The following FCHSD2 variants were observed in gnomAD, a reference collection of about 807,000 sequenced individuals.
FCHSD2 encodes FCH and double SH3 domains 2, also known as F-BAR and double SH3 domains protein 2.
A neutral mutation model predicts 108.1 loss-of-function variants in FCHSD2; 38 were observed. The ratio of observed to expected loss-of-function variants is 0.35; its 90% CI spans 0.27 to 0.46. The LOEUF is 0.46. Among genes scored for constraint, FCHSD2 ranks in the 20% least tolerant of loss-of-function variants. The pLI, the probability that FCHSD2 is intolerant of heterozygous loss-of-function variation, is 1.00. For missense variants in FCHSD2, 751 were observed against 897.8 expected, an observed-to-expected ratio of 0.84 and a Z score of 2.09; for synonymous variants, 279 against 314.7, an observed-to-expected ratio of 0.89 and a Z score of 1.20.
At chr11:73,083,656 G>T in intron 3 of FCHSD2, 39 bp downstream of exon 3, 23 of 1,347,234 alleles carry the variant, frequency 1.7e-5, no homozygotes, top group Non-Finnish European at 2.4e-5. Context: ...CCACGGAAAA[G>T]AAGTATACCT....
intron 3 of FCHSD2, among the ~76,000 whole-genome samples, chr11:73,020,858 T>C (rs945980580): frequency 2.0e-5 from 3 of 151,926 alleles, no homozygotes; most frequent in Non-Finnish European, 2.9e-5. Context: ...TAAGTATATA[T>C]AAGAAATAAG....
chr11:73,030,872 ATAT>A lies in FCHSD2; in HGVS notation c.166-14990_166-14988del, dbSNP rs534985286. Among the ~76,000 whole-genome samples, 10 of 152,212 alleles carry A rather than the reference ATAT, an allele frequency of 6.6e-5. No individual in the cohort carries two copies. The East Asian group carries it at 1.9e-3, about 29-fold the overall frequency. ...CTTTCAGCAAAAAATCCTGAATACA[ATAT>A]TATTAACTATAGTCCTCATGATACA... On this transcript the variant is annotated intron_variant, in intron 3 of 19. Transcript: ENST00000409418.
chr11:73,113,742 GT>G (rs1287505284), intron 2 of FCHSD2, among the ~76,000 whole-genome samples: 2 of 152,202 alleles, frequency 1.3e-5, no homozygotes, highest in African/African-American at 2.4e-5. Flanking sequence ...TCTTGGGAAA[GT>G]TTGTCAGGTA....
chr11:73,072,659 T>G (rs1195864743), intron 3 of FCHSD2, among the ~76,000 whole-genome samples: 2 of 152,214 alleles, frequency 1.3e-5, no homozygotes, highest in Non-Finnish European at 2.9e-5. Flanking sequence ...ATAGTTATCC[T>G]GTCTCCTTAT....
At chr11:73,047,362 C>T (rs1199228274) in intron 3 of FCHSD2, among the ~76,000 whole-genome samples, 1 of 151,684 alleles carries the variant, frequency 6.6e-6, no homozygotes, top group Non-Finnish European at 1.5e-5. Flanking sequence ...GCATCTTATT[C>T]AAGGTTATAA....
chr11:73,109,722 T>C (rs1380926540), intron 2 of FCHSD2, among the ~76,000 whole-genome samples: 1 of 152,220 alleles, frequency 6.6e-6, no homozygotes, highest in Non-Finnish European at 1.5e-5. Flanking sequence ...TTGCTAGGAC[T>C]TCCAGTAATA....
chr11:72,997,235 G>C (rs1436976856), intron 5 of FCHSD2, among the ~76,000 whole-genome samples: 1 of 152,164 alleles, frequency 6.6e-6, no homozygotes, highest in Non-Finnish European at 1.5e-5. Context: ...AAAGGTTAGA[G>C]TTCAAGTCTT....
intron 10 of FCHSD2, among the ~76,000 whole-genome samples, chr11:72,892,237 A>G (rs1855327725): frequency 6.6e-6 from 1 of 152,216 alleles, no homozygotes; most frequent in East Asian, 1.9e-4. Flanking sequence ...TTGAGTATTC[A>G]CTGTGCTCAG....
chr11:72,954,441 A>G lies in FCHSD2; in HGVS notation c.705+29647T>C, dbSNP rs557420634. On this transcript the variant is annotated intron_variant, in intron 8 of 19. Coordinates refer to ENST00000409418, the MANE Select transcript of FCHSD2 (RefSeq NM_014824.3). ...GGATGATCACAAACTCCTGGGCTCA[A>G]GCGATCCTTCCCCTTCAGCCTCCCA... is the stretch of plus-strand genomic sequence containing the variant. 2.0e-5 allele frequency among the ~76,000 whole-genome samples: 3 copies of G among 152,040 alleles called. No homozygotes were observed. In the East Asian group the frequency reaches 5.8e-4, roughly 29 times the overall value.
intron 2 of FCHSD2, among the ~76,000 whole-genome samples, chr11:73,095,718 A>T (rs1395313688): frequency 6.6e-6 from 1 of 152,222 alleles, no homozygotes; most frequent in African/African-American, 2.4e-5. Flanking sequence ...CAACAAAAGC[A>T]GGGAACATGG....
chr11:73,133,977 G>A lies in FCHSD2; in HGVS notation c.119+6054C>T, dbSNP rs959892675. Among the ~76,000 whole-genome samples, 8 of 151,492 alleles carry A rather than the reference G, an allele frequency of 5.3e-5. No individual in the cohort carries two copies. The East Asian group carries it at 5.8e-4, about 11-fold the overall frequency. The stretch of plus-strand genomic sequence containing the variant: ...CTAAAACATTTTAAATTGGCGTGAC[G>A]ATTGTACAATCCTATAAAAAAAAAG... On this transcript the variant is annotated intron_variant, in intron 2 of 19. Coordinates refer to ENST00000409418, the MANE Select transcript of FCHSD2 (RefSeq NM_014824.3).
rs371674049 is a variant in FCHSD2, at chr11:72,843,269, G to C, written c.1587C>G (p.Thr529=). 9 of 1,613,898 alleles carry C rather than the reference G, an allele frequency of 5.6e-6. No homozygotes were observed. Among genetic ancestry groups the C allele is most frequent in the Non-Finnish European group, 7.6e-6 (9 of 1,179,896 alleles). ...YVPEKYLQFP[T]SNSLLSMLQS... ...GCAGCATGCTCAGGAGGCTGTTCGA[G>C]GTGGGAAACTGTAGGTACTTTTCTG... The change falls in exon 16 of 20, where the codon ACC becomes ACG. Residue 529 remains threonine, a synonymous_variant. Transcript: ENST00000409418.
At chr11:72,865,441 G>A (rs968878702) in intron 13 of FCHSD2, among the ~76,000 whole-genome samples, 6 of 152,118 alleles carry the variant, frequency 3.9e-5, no homozygotes, top group African/African-American at 1.2e-4. Context: ...GAAGAAAAAC[G>A]TCGGATGGAA....
At position 72,913,097 on chromosome 11, in the gene FCHSD2, T is replaced by G. The variant is rs535100226; in HGVS notation, c.828+8731A>C. On this transcript the variant is annotated intron_variant, in intron 9 of 19. Coordinates refer to ENST00000409418, the MANE Select transcript of FCHSD2 (RefSeq NM_014824.3). Reference sequence around the variant, plus strand: ...CACACTTTTAAACAACCAGATCTCATGAGGACTCACTCACTACCAAGAGAA... The same window carrying G: ...CACACTTTTAAACAACCAGATCTCAGGAGGACTCACTCACTACCAAGAGAA... 5.9e-5 allele frequency among the ~76,000 whole-genome samples: 9 copies of G among 152,218 alleles called. No individual in the cohort carries two copies. In the East Asian group the frequency reaches 1.7e-3, roughly 29 times the overall value.
chr11:72,860,808 ACT>A (rs1306827149), intron 13 of FCHSD2, among the ~76,000 whole-genome samples: 1 of 151,552 alleles, frequency 6.6e-6, no homozygotes, highest in Non-Finnish European at 1.5e-5. Context: ...ACAGAGCAAG[ACT>A]CTGTTTGAAA....
chr11:73,137,108 G>C, intron 2 of FCHSD2, among the ~76,000 whole-genome samples: 1 of 152,028 alleles, frequency 6.6e-6, no homozygotes, highest in East Asian at 1.9e-4. Flanking sequence ...GGGCAGACAA[G>C]AGAAGCCAGA....
intron 8 of FCHSD2, among the ~76,000 whole-genome samples, chr11:72,943,850 C>T (rs1214163302): frequency 1.3e-5 from 2 of 152,154 alleles, no homozygotes; most frequent in African/African-American, 4.8e-5. Context: ...TGTTCTAAGG[C>T]ATGTTCAAAT....
chr11:72,958,258 C>G (rs1856751712), intron 8 of FCHSD2, among the ~76,000 whole-genome samples: 3 of 152,210 alleles, frequency 2.0e-5, no homozygotes, highest in African/African-American at 7.2e-5. Flanking sequence ...TGGCTCATAC[C>G]TGTAATCCTA....
At chr11:72,948,071 G>A (rs926278787) in intron 8 of FCHSD2, among the ~76,000 whole-genome samples, 10 of 151,922 alleles carry the variant, frequency 6.6e-5, no homozygotes. Flanking sequence ...GCAGTGGTGC[G>A]ATCTCGGCTC....
Sources: gnomAD v4.1 joint callset for allele counts (sites outside exome capture counted in the v4.1 genomes callset) on GRCh38, gnomAD v4.1.1 for gene constraint, MANE v1.5 for transcripts, NCBI Gene and HGNC (gene_info 2026-07-23, HGNC 2026-07-21) for gene names.